NRG1: variants seen among roughly 807,000 people sequenced by gnomAD.
NRG1 encodes neuregulin 1.
In NRG1, 18 loss-of-function variants were observed where a neutral mutation model predicts 63.8. The ratio of observed to expected loss-of-function variants is 0.28; its 90% confidence interval spans 0.19 to 0.42. The LOEUF is 0.42. Among genes scored for constraint, NRG1 ranks in the 10% least tolerant of loss-of-function variants. NRG1 has a pLI of 1.00. For missense variants in NRG1, 762 were observed against 814.7 expected, an observed-to-expected ratio of 0.94 and a Z score of 0.79; for synonymous variants, 302 against 301.3, an observed-to-expected ratio of 1.00 and a Z score of -0.02.
chr8:31,675,990 C>G (rs1227885969), intron 1 of NRG1, among the ~76,000 whole-genome samples: 1 of 151,956 alleles, frequency 6.6e-6, no homozygotes, highest in African/African-American at 2.4e-5. Context: ...TATATTAGAC[C>G]CGTGGCTAAT....
chr8:32,372,644 G>A lies in NRG1; in HGVS notation c.38-223184G>A, dbSNP rs1379245992. On this transcript the variant is annotated intron_variant, in intron 1 of 10. Transcript: ENST00000519301. ...TCTAAAAAGTTTTAAAAAATTGAAT[G>A]TAGGTAAAATAGAGCTCAGAATTCC... 2.6e-5 allele frequency among the ~76,000 whole-genome samples: 4 copies of A among 152,150 alleles called. No individual in the cohort carries two copies. The East Asian group carries it at 7.7e-4, about 29-fold the overall frequency.
chr8:32,386,884 T>C (rs1233476162), intron 1 of NRG1, among the ~76,000 whole-genome samples: 2 of 152,208 alleles, frequency 1.3e-5, no homozygotes, highest in African/African-American at 4.8e-5. Context: ...CTGTGCTATG[T>C]GTAGGGATGC....
intron 1 of NRG1, among the ~76,000 whole-genome samples, chr8:31,692,896 C>T (rs937261052): frequency 6.6e-6 from 1 of 152,106 alleles, no homozygotes; most frequent in African/African-American, 2.4e-5. Flanking sequence ...ATCTTAAAAC[C>T]GAAAACCTCA....
At chr8:32,334,684 A>G (rs1803040225) in intron 1 of NRG1, among the ~76,000 whole-genome samples, 1 of 152,250 alleles carries the variant, frequency 6.6e-6, no homozygotes, top group African/African-American at 2.4e-5. Flanking sequence ...ATGGGAAGGA[A>G]GTAGAATAGC....
intron 1 of NRG1, among the ~76,000 whole-genome samples, chr8:32,010,723 T>G (rs1814617457): frequency 6.6e-6 from 1 of 152,136 alleles, no homozygotes; most frequent in African/African-American, 2.4e-5. Context: ...GAGGATTTGT[T>G]TTATCTGAAA....
In NRG1 at chr8:32,756,093, C is replaced by T. The variant is rs146625269; in HGVS notation, c.795-310C>T. ...TAAGTGTCCATTTGTAAGACTTAGG[C>T]AAAGATGGATTGATTAGGAAATTTG... On this transcript the variant is annotated intron_variant, in intron 8 of 11. Transcript: ENST00000356819. Among the ~76,000 whole-genome samples, 808 of 152,224 alleles carry T rather than the reference C, an allele frequency of 5.3e-3. 8 individuals carry two copies. The highest frequency in any genetic ancestry group is 0.018 in the African/African-American group (762 of 41,524).
chr8:32,710,314 G>A (rs1464403573), intron 5 of NRG1, among the ~76,000 whole-genome samples: 1 of 151,718 alleles, frequency 6.6e-6, no homozygotes, highest in South Asian at 2.1e-4. Context: ...TACTTTTTTT[G>A]TCTTTTCTCC....
chr8:31,949,043 A>C (rs1158690875), intron 1 of NRG1, among the ~76,000 whole-genome samples: 1 of 152,224 alleles, frequency 6.6e-6, no homozygotes, highest in East Asian at 1.9e-4. Flanking sequence ...AGGATGACAC[A>C]AAAAAACTAT....
intron 1 of NRG1, among the ~76,000 whole-genome samples, chr8:31,947,388 A>AT (rs1293062460): frequency 6.6e-6 from 1 of 150,722 alleles, no homozygotes; most frequent in Non-Finnish European, 1.5e-5. Context: ...TATGCTGTTG[A>AT]TTTTCTTCCC....
At chr8:32,238,644 T>A (rs903132478) in intron 1 of NRG1, among the ~76,000 whole-genome samples, 2 of 152,124 alleles carry the variant, frequency 1.3e-5, no homozygotes, top group Non-Finnish European at 2.9e-5. Context: ...TGCTTCTGGG[T>A]CTAAACCCAC....
intron 1 of NRG1, among the ~76,000 whole-genome samples, chr8:31,782,429 C>T (rs1047740785): frequency 6.6e-6 from 1 of 152,118 alleles, no homozygotes; most frequent in African/African-American, 2.4e-5. Context: ...TAATGACCGT[C>T]TGGCAGATTA....
chr8:31,652,703 A>G (rs1282094518), intron 1 of NRG1, among the ~76,000 whole-genome samples: 1 of 152,216 alleles, frequency 6.6e-6, no homozygotes. Context: ...GTTAAATAAC[A>G]CTGGATAGCC....
intron 1 of NRG1, among the ~76,000 whole-genome samples, chr8:32,085,548 G>T (rs1828085571): frequency 6.6e-6 from 1 of 152,174 alleles, no homozygotes; most frequent in Admixed American, 6.5e-5. Context: ...TTTACATTGT[G>T]ATTTCTATAA....
chr8:32,412,757 A>G (rs1815287371), intron 1 of NRG1, among the ~76,000 whole-genome samples: 1 of 151,990 alleles, frequency 6.6e-6, no homozygotes, highest in Admixed American at 6.6e-5. Context: ...AATGACAAGT[A>G]TTTGTGTCTC....
intron 1 of NRG1, among the ~76,000 whole-genome samples, chr8:31,942,696 A>C (rs1256661632): frequency 6.6e-6 from 1 of 152,112 alleles, no homozygotes; most frequent in Admixed American, 6.6e-5. Context: ...TAGCAAGATA[A>C]AGACAAACAA....
At chr8:31,686,256 C>T (rs1446009970) in intron 1 of NRG1, among the ~76,000 whole-genome samples, 2 of 152,180 alleles carry the variant, frequency 1.3e-5, no homozygotes, top group Non-Finnish European at 1.5e-5. Flanking sequence ...CAGCAGCTTA[C>T]AGACTGCTAT....
At chr8:31,735,010 A>G (rs184093595) in intron 1 of NRG1, among the ~76,000 whole-genome samples, 16 of 152,292 alleles carry the variant, frequency 1.1e-4, no homozygotes, top group Admixed American at 2.0e-4. Flanking sequence ...ACACCTGGAC[A>G]CAGGCTAAAA....
At chr8:31,854,898 C>G (rs908017979) in intron 1 of NRG1, among the ~76,000 whole-genome samples, 22 of 152,166 alleles carry the variant, frequency 1.4e-4, no homozygotes, top group Non-Finnish European at 3.2e-4. Context: ...GCAGGTTGTT[C>G]AGTTTCCATG....
chr8:32,597,060 C>T (rs1013537323), intron 2 of NRG1, among the ~76,000 whole-genome samples: 8 of 152,132 alleles, frequency 5.3e-5, no homozygotes, highest in Admixed American at 2.0e-4. Context: ...TATCAAACTA[C>T]ATTTTGAAAT....
Sources: gnomAD v4.1 joint callset for allele counts (sites outside exome capture counted in the v4.1 genomes callset) on GRCh38, gnomAD v4.1.1 for gene constraint, MANE v1.5 for transcripts, NCBI Gene and HGNC (gene_info 2026-07-23, HGNC 2026-07-21) for gene names.